The following PRKG1 variants were observed in gnomAD, a reference collection of about 807,000 sequenced individuals.
PRKG1 encodes protein kinase cGMP-dependent 1.
PRKG1 carries 35 observed loss-of-function variants against 88.1 expected under a neutral mutation model. The observed-to-expected ratio is 0.40, with a 90% CI of 0.30 to 0.53. The LOEUF is 0.53. Ranked by LOEUF, PRKG1 falls within the 20% of genes least tolerant of loss-of-function variation. The pLI is 0.59. For synonymous variants in PRKG1, 303 were observed against 292.5 expected (o/e 1.04, Z -0.37); for missense variants, 540 against 839.8 (o/e 0.64, Z 4.41).
chr10:51,734,934 G>A (rs149477412), intron 3 of PRKG1, among the ~76,000 whole-genome samples: 8 of 152,312 alleles, frequency 5.3e-5, no homozygotes, highest in African/African-American at 1.9e-4. Flanking sequence ...ATGCTCAGGG[G>A]TTAAGTGAAG....
intron 2 of PRKG1, among the ~76,000 whole-genome samples, chr10:51,296,282 A>G (rs1840718671): frequency 6.6e-6 from 1 of 152,100 alleles, no homozygotes; most frequent in African/African-American, 2.4e-5. Context: ...ATTAGAATTC[A>G]CCAGATGAGA....
chr10:51,932,764 T>C (rs1229933547), intron 5 of PRKG1, among the ~76,000 whole-genome samples: 1 of 152,180 alleles, frequency 6.6e-6, no homozygotes, highest in African/African-American at 2.4e-5. Context: ...TTACAATTTC[T>C]GTTTCAATGA....
intron 4 of PRKG1, among the ~76,000 whole-genome samples, chr10:51,848,419 T>C (rs939787098): frequency 1.3e-5 from 2 of 152,162 alleles, no homozygotes; most frequent in African/African-American, 4.8e-5. Context: ...CTTTTCAATA[T>C]CATGATTAAA....
At chr10:51,509,259 T>G (rs1841320696) in intron 3 of PRKG1, among the ~76,000 whole-genome samples, 1 of 152,186 alleles carries the variant, frequency 6.6e-6, no homozygotes, top group Admixed American at 6.6e-5. Flanking sequence ...GCTAAGTAAC[T>G]AAATGCTTTA....
At chr10:52,005,595 A>C (rs557576380) in intron 5 of PRKG1, among the ~76,000 whole-genome samples, 1 of 152,190 alleles carries the variant, frequency 6.6e-6, no homozygotes, top group Non-Finnish European at 1.5e-5. Flanking sequence ...GCACATGGAC[A>C]GTAACATGGG....
chr10:51,956,916 T>C (rs1843316741), intron 5 of PRKG1, among the ~76,000 whole-genome samples: 1 of 151,712 alleles, frequency 6.6e-6, no homozygotes. Flanking sequence ...TTTCAGGGAG[T>C]CTTGAAAGTA....
At chr10:51,718,606 A>G (rs1841940510) in intron 3 of PRKG1, among the ~76,000 whole-genome samples, 1 of 152,230 alleles carries the variant, frequency 6.6e-6, no homozygotes, top group Non-Finnish European at 1.5e-5. Context: ...TCATAGTGAT[A>G]TAAGTAAAAT....
In PRKG1 at chr10:51,205,127, CTTTTTTTTTTTTTTTT is replaced by C. The variant is rs58176913; in HGVS notation, c.478+51812_478+51827del. Among the ~76,000 whole-genome samples the C allele has an allele frequency of 1.5e-3, 94 of 64,010 alleles. 2 individuals carry two copies. The South Asian group carries it at 0.021, about 14-fold the overall frequency. 42.0% of individuals were successfully genotyped at this position (64,010 alleles called of 152,430 possible). ...TAAGGAAGAATTTTCATTTTCTTTT[CTTTTTTTTTTTTTTTT>C]TTTTTTTTTTTTTTGAGACAGAGTC... On this transcript the variant is annotated intron_variant, in intron 2 of 17. Coordinates refer to ENST00000373980, the MANE Select transcript of PRKG1 (RefSeq NM_006258.4).
chr10:51,295,855 C>A (rs978381336), intron 2 of PRKG1, among the ~76,000 whole-genome samples: 1 of 152,014 alleles, frequency 6.6e-6, no homozygotes, highest in Non-Finnish European at 1.5e-5. Flanking sequence ...TCCTTCTATA[C>A]CTATTTTGTT....
intron 3 of PRKG1, among the ~76,000 whole-genome samples, chr10:51,716,663 AGT>A (rs1195547942): frequency 3.9e-5 from 6 of 151,994 alleles, no homozygotes; most frequent in African/African-American, 1.5e-4. Context: ...CCTCCTTTGA[AGT>A]GAATGTAGGG....
chr10:52,187,231 AT>A (rs1839223082), intron 9 of PRKG1, among the ~76,000 whole-genome samples: 2 of 152,122 alleles, frequency 1.3e-5, no homozygotes, highest in African/African-American at 4.8e-5. Context: ...AAAATACTTC[AT>A]CTCAGTTTGC....
At chr10:51,535,682 A>G (rs1842128026) in intron 3 of PRKG1, among the ~76,000 whole-genome samples, 1 of 152,016 alleles carries the variant, frequency 6.6e-6, no homozygotes, top group African/African-American at 2.4e-5. Context: ...ACAAAAATAT[A>G]TAATTTTTTA....
intron 10 of PRKG1, among the ~76,000 whole-genome samples, chr10:52,265,078 T>C (rs1330908538): frequency 6.6e-6 from 1 of 152,244 alleles, no homozygotes; most frequent in East Asian, 1.9e-4. Flanking sequence ...ATTGCAGATG[T>C]ATAGAATTCT....
intron 5 of PRKG1, among the ~76,000 whole-genome samples, chr10:51,995,850 A>T: frequency 6.6e-6 from 1 of 152,182 alleles, no homozygotes; most frequent in Non-Finnish European, 1.5e-5. Context: ...CATGACAGAA[A>T]ATATTAAAAT....
chr10:51,231,242 T>C (rs1424752572), intron 2 of PRKG1, among the ~76,000 whole-genome samples: 1 of 152,132 alleles, frequency 6.6e-6, no homozygotes, highest in African/African-American at 2.4e-5. Context: ...TTGTATAATT[T>C]CCTACTTAAA....
At chr10:51,738,555 T>C (rs2132485668) in intron 3 of PRKG1, among the ~76,000 whole-genome samples, 1 of 152,350 alleles carries the variant, frequency 6.6e-6, no homozygotes, top group African/African-American at 2.4e-5. Context: ...TTGTTTTGTT[T>C]GCTGTTTTAC....
intron 2 of PRKG1, among the ~76,000 whole-genome samples, chr10:51,172,366 G>A (rs191171698): frequency 1.0e-3 from 155 of 152,100 alleles, no homozygotes; most frequent in African/African-American, 3.5e-3. Flanking sequence ...TTGGAATAAA[G>A]ACTATTTTGA....
intron 3 of PRKG1, among the ~76,000 whole-genome samples, chr10:51,709,525 A>G (rs1267163367): frequency 6.6e-6 from 1 of 152,224 alleles, no homozygotes; most frequent in Non-Finnish European, 1.5e-5. Context: ...TGCCTGCAGG[A>G]AAACAGGGAA....
At chr10:51,737,495 TG>T (rs1837309100) in intron 3 of PRKG1, among the ~76,000 whole-genome samples, 1 of 152,164 alleles carries the variant, frequency 6.6e-6, no homozygotes. Flanking sequence ...GTCACATTGT[TG>T]TATTTCCCAT....
Sources: allele counts gnomAD v4.1 joint callset (sites outside exome capture counted in the v4.1 genomes callset), GRCh38; gene constraint gnomAD v4.1.1; transcripts MANE v1.5; gene names NCBI Gene and HGNC (gene_info 2026-07-23, HGNC 2026-07-21).